MAP1A: variants seen among roughly 807,000 people sequenced by gnomAD.
MAP1A encodes microtubule associated protein 1A.
Under a neutral mutation model 185.9 loss-of-function variants are expected in MAP1A, and 42 were observed. That is an observed-to-expected ratio of 0.23 (90% CI 0.18 to 0.29). The LOEUF is 0.29. Among genes scored for constraint, MAP1A ranks in the 10% least tolerant of loss-of-function variants. The pLI is 1.00. For missense variants in MAP1A, 2,995 were observed against 3,450.4 expected (o/e 0.87, Z 3.31); for synonymous variants, 1,229 against 1,335.9 (o/e 0.92, Z 1.74).
At position 43,522,379 on chromosome 15, in the gene MAP1A, G is replaced by A. The variant is rs1308306671; in HGVS notation, c.906G>A (p.Gly302=). The A allele has an allele frequency of 3.7e-6, 6 of 1,614,156 alleles. No individual in the cohort carries two copies. The highest frequency in any genetic ancestry group is 1.7e-5 in the Admixed American group (1 of 60,012). The change falls in exon 4 of 6, where the codon GGG becomes GGA. Residue 302 remains glycine (G), a synonymous_variant. Coordinates refer to ENST00000300231, the MANE Select transcript of MAP1A (RefSeq NM_002373.6). This position sits in a 1 kb window ranked among gnomAD's most constrained non-coding sequence, Gnocchi z 5.9. ...PVATQKDLAS[G]AVPTNLKPSK... ...CCACGCAGAAGGACCTGGCTTCTGG[G>A]GCTGTGCCTACCAACCTCAAGCCCA...
At chr15:43,520,337 C>T (rs1170341428) in intron 1 of MAP1A, among the ~76,000 whole-genome samples, 1 of 152,148 alleles carries the variant, frequency 6.6e-6, no homozygotes, top group Non-Finnish European at 1.5e-5. Context: ...ACAAAAGCTT[C>T]TTGTCAATAG....
chr15:43,511,217 C>T, exon 1 of MAP1A: 1 of 1,550,164 alleles, frequency 6.5e-7, no homozygotes, highest in Non-Finnish European at 8.7e-7. Flanking sequence ...GCGGGCCCAC[C>T]TTGAACAAGG....
upstream of MAP1A, among the ~76,000 whole-genome samples, chr15:43,516,006 C>A (rs2079295834): frequency 6.6e-6 from 1 of 152,134 alleles, no homozygotes; most frequent in Non-Finnish European, 1.5e-5. Context: ...CTGTATTGGT[C>A]TGGGAAATGT....
Position 43,521,574 on chromosome 15 carries a change from A to G in MAP1A, c.101A>G (p.Lys34Arg). ...LEPPTSGGFL[K>R]LSKPCCYIFP... ...CCCCCCACCTCAGGGGGCTTCCTCA[A>G]GCTCTCCAAGCCTTGTTGCTACATC... The change falls in exon 4 of 6, where the codon AAG (lysine) becomes AGG (arginine). Residue 34 changes from lysine to arginine, a missense_variant. Physicochemically the swap from Lys to Arg is conservative, Grantham distance 26 (BLOSUM62 2). This residue lies in a region of MAP1A where 264 missense variants were observed against 435.3 expected (regional missense o/e 0.61). Transcript: ENST00000300231. This position sits in a 1 kb window ranked among gnomAD's most constrained non-coding sequence, Gnocchi z 4.6. The G allele has an allele frequency of 6.2e-7, 1 of 1,614,012 alleles. No homozygotes were observed. The highest frequency in any genetic ancestry group is 8.5e-7 in the Non-Finnish European group (1 of 1,179,972).
rs1470444535 is a variant in MAP1A at position 43,521,931 on chromosome 15, A to G, written c.458A>G (p.Lys153Arg). The change falls in exon 4 of 6, where the codon AAG becomes AGG. Residue 153 changes from lysine to arginine, a missense_variant. Lys to Arg is a conservative substitution (Grantham distance 26). Coordinates refer to ENST00000300231, the MANE Select transcript of MAP1A (RefSeq NM_002373.6). The surrounding 1 kb of genome is among the most constrained non-coding windows in gnomAD (Gnocchi z 4.6). The stretch of plus-strand genomic sequence containing the variant: ...CTTCCTGATGCCTCCCGGAAAGCCA[A>G]GCGTAGCATTGAGGAGGCCTGCCTC... ...LRLPDASRKA[K>R]RSIEEACLTL... The G allele has an allele frequency of 6.8e-6, 11 of 1,613,688 alleles. No homozygotes were observed. The highest frequency in any genetic ancestry group is 1.3e-5 in the African/African-American group (1 of 74,908).
chr15:43,510,995 A>G, exon 1 of MAP1A: 1 of 1,542,302 alleles, frequency 6.5e-7, no homozygotes, highest in Non-Finnish European at 8.7e-7. Context: ...TTCCATGGAG[A>G]CCGAGGCCGA....
At position 43,528,042 on chromosome 15, in the gene MAP1A, C is replaced by G. The variant is rs893977554; in HGVS notation, c.6569C>G (p.Pro2190Arg). The G allele has an allele frequency of 1.2e-6, 2 of 1,614,044 alleles. No individual in the cohort carries two copies. The highest frequency in any genetic ancestry group is 1.7e-6 in the Non-Finnish European group (2 of 1,180,024). The change falls in exon 4 of 6, where the codon CCC becomes CGC. Residue 2190 changes from proline to arginine, a missense_variant. By Grantham distance (103) the Pro-to-Arg change is moderately radical. Transcript: ENST00000300231. ...TCTCCAGCTGAACCCCGCTCGGCAC[C>G]CTGTGGCTCCCTTGCCTTCTCTGGG... The part of the protein sequence containing the change: ...LPSPAEPRSA[P>R]CGSLAFSGDR...
rs1029014887 is a variant in MAP1A, at chr15:43,526,578, G to A, written c.5105G>A (p.Cys1702Tyr). 6.2e-7 allele frequency: 1 copy of A among 1,614,080 alleles called. No homozygotes were observed. Among genetic ancestry groups the A allele is most frequent in the Non-Finnish European group, 8.5e-7 (1 of 1,180,042 alleles). Residue 1702 changes from cysteine (C) to tyrosine (Y), a missense_variant, in exon 4 of 6, where the codon TGT becomes TAT. Cys to Tyr is a radical substitution (Grantham distance 194). Transcript: ENST00000300231. This position sits in a 1 kb window ranked among gnomAD's most constrained non-coding sequence, Gnocchi z 4.7. ...EQDTYWRELS[C>Y]ERKVWFPHEL... ...GACACATACTGGAGGGAGCTAAGCT[G>A]TGAGCGGAAGGTCTGGTTCCCTCAC...
Position 43,529,463 on chromosome 15 carries a change from A to G in MAP1A, c.7990A>G (p.Ser2664Gly), listed in dbSNP as rs745858314. The stretch of plus-strand genomic sequence containing the variant: ...CCCAGCAGAGGAAAAGGATGGACAC[A>G]GCCCCATGTCCAAAGGCCTAGTCAA... ...VTPAEEKDGH[S>G]PMSKGLVNGL... Residue 2664 changes from serine to glycine, a missense_variant, in exon 4 of 6, where the codon AGC becomes GGC. This residue lies in a region of MAP1A where 2,728 missense variants were observed against 2,986.0 expected (regional missense o/e 0.91). Coordinates refer to ENST00000300231, the MANE Select transcript of MAP1A (RefSeq NM_002373.6). This position sits in a 1 kb window ranked among gnomAD's most constrained non-coding sequence, Gnocchi z 4.3. 26 of 1,612,976 alleles carry G rather than the reference A, an allele frequency of 1.6e-5. No individual in the cohort carries two copies. Among genetic ancestry groups the G allele is most frequent in the Admixed American group, 1.5e-4 (9 of 59,928 alleles).
At position 43,527,997 on chromosome 15, in the gene MAP1A, C is replaced by T; in HGVS notation, c.6524C>T (p.Pro2175Leu). 1 of 1,614,038 alleles carries T rather than the reference C, an allele frequency of 6.2e-7. No individual in the cohort carries two copies. Among genetic ancestry groups the T allele is most frequent in the South Asian group, 1.1e-5 (1 of 91,088 alleles). Residue 2175 changes from proline to leucine, a missense_variant, in exon 4 of 6, where the codon CCA becomes CTA. By Grantham distance (98) the Pro-to-Leu change is moderately conservative. This residue lies in a region of MAP1A where 2,728 missense variants were observed against 2,986.0 expected (regional missense o/e 0.91). Transcript: ENST00000300231. ...ASAFGFSSLQPAPPQLPSPAE... is the reference protein window; with the variant it reads ...ASAFGFSSLQLAPPQLPSPAE... ...GCCTTTGGCTTCTCCTCATTGCAGC[C>T]AGCTCCCCCACAGCTGCCCTCTCCA...
intron 1 of MAP1A, among the ~76,000 whole-genome samples, chr15:43,518,515 C>T (rs1190737074): frequency 1.3e-5 from 2 of 152,076 alleles, no homozygotes; most frequent in Non-Finnish European, 1.5e-5. Flanking sequence ...CCATCCCCAC[C>T]CCCCATGCAG....
In MAP1A at chr15:43,511,082, CAG is replaced by C. The variant is rs1566974781; in HGVS notation, c.96_97del (p.Asn33ProfsTer45). Reference sequence around the variant, plus strand: ...CCGAAGTCCCGGCGCACCGCTGGCTCAGAACCCCGCGGAGCTGCTGTGCGAGG... The same window carrying C: ...CCGAAGTCCCGGCGCACCGCTGGCTCAACCCCGCGGAGCTGCTGTGCGAGG... On this transcript the variant is annotated frameshift_variant, in exon 1 of 7. Coordinates refer to the MAP1A transcript ENST00000382031. LOFTEE classifies it high-confidence loss of function. The C allele has an allele frequency of 1.2e-5, 19 of 1,550,082 alleles. No individual in the cohort carries two copies. In the South Asian group the frequency reaches 2.3e-4, roughly 18 times the overall value.
upstream of MAP1A, among the ~76,000 whole-genome samples, chr15:43,514,641 G>C (rs186538345): frequency 3.9e-5 from 6 of 152,250 alleles, no homozygotes; most frequent in African/African-American, 9.6e-5. Flanking sequence ...CCCACACACA[G>C]AAAAGAAGGG....
Position 43,529,480 on chromosome 15 carries a change from C to T in MAP1A, c.8007C>T (p.Gly2669=), listed in dbSNP as rs1060956. 6.2e-7 allele frequency: 1 copy of T among 1,610,352 alleles called. No homozygotes were observed. Residue 2669 remains glycine (G), a synonymous_variant, in exon 4 of 6, where the codon GGC becomes GGT. Transcript: ENST00000300231. The surrounding 1 kb of genome is among the most constrained non-coding windows in gnomAD (Gnocchi z 4.3). ...ATGGACACAGCCCCATGTCCAAAGG[C>T]CTAGTCAATGGACTCAAGGCAGGAC... ...EKDGHSPMSK[G]LVNGLKAGPM...
At position 43,528,725 on chromosome 15, in the gene MAP1A, G is replaced by T. The variant is rs764571578; in HGVS notation, c.7252G>T (p.Gly2418Cys). Residue 2418 changes from glycine (G) to cysteine (C), a missense_variant, in exon 4 of 6, where the codon GGC becomes TGC. Gly to Cys is a radical substitution (Grantham distance 159). Transcript: ENST00000300231. ...TGAGCAGCCAGTGTGTCCTGCAGGG[G>T]GCTCCGGGGGCCCACCCAGCAGTGC... ...SPEQPVCPAG[G>C]SGGPPSSASP... The T allele has an allele frequency of 2.5e-6, 4 of 1,613,064 alleles. No homozygotes were observed. The African/African-American group carries it at 5.3e-5, about 22-fold the overall frequency.
chr15:43,525,707 G>T lies in MAP1A; in HGVS notation c.4234G>T (p.Gly1412Cys). ...GCAGGATAAGGCTTTAGAACAAAAG[G>T]GCAGAGACTTAGAGCAAAAAGACAC... is the stretch of plus-strand genomic sequence containing the variant. Reference protein sequence around the residue: ...KQQDKALEQKGRDLEQKDTAL... With the variant: ...KQQDKALEQKCRDLEQKDTAL... The change falls in exon 4 of 6, where the codon GGC becomes TGC. Residue 1412 changes from glycine to cysteine, a missense_variant. By Grantham distance (159) the Gly-to-Cys change is radical (BLOSUM62 -3). This residue lies in a region of MAP1A where 2,728 missense variants were observed against 2,986.0 expected (regional missense o/e 0.91). Coordinates refer to ENST00000300231, the MANE Select transcript of MAP1A (RefSeq NM_002373.6). 1 of 1,614,188 alleles carries T rather than the reference G, an allele frequency of 6.2e-7. No homozygotes were observed. The highest frequency in any genetic ancestry group is 8.5e-7 in the Non-Finnish European group (1 of 1,180,042).
rs763275297 is a variant in MAP1A, at chr15:43,523,785, G to A, written c.2312G>A (p.Ser771Asn). ...CCAGCTCCACCCAGATTTCATACAAGTACATATGACCTGCCCGGGCCTGAA... is the reference window on the plus strand; with the variant it reads ...CCAGCTCCACCCAGATTTCATACAAATACATATGACCTGCCCGGGCCTGAA... ...ERPAPPRFHT[S>N]TYDLPGPEGA... Residue 771 changes from serine to asparagine, a missense_variant, in exon 4 of 6, where the codon AGT becomes AAT. By Grantham distance (46) the Ser-to-Asn change is conservative (BLOSUM62 1). Coordinates refer to ENST00000300231, the MANE Select transcript of MAP1A (RefSeq NM_002373.6). 1.2e-5 allele frequency: 19 copies of A among 1,613,936 alleles called. No homozygotes were observed. The highest frequency in any genetic ancestry group is 3.3e-4 in the Middle Eastern group (2 of 6,084).
rs2079320140 is a variant in MAP1A, at chr15:43,521,774, C to A, written c.301C>A (p.Leu101Ile). ...AGACAACCTGCCAGGCATCAATGGA[C>A]TACTGCAGCGCAAAGTGGCAGAGCT... Reference protein sequence around the residue: ...GADNLPGINGLLQRKVAELEE... With the variant: ...GADNLPGINGILQRKVAELEE... Residue 101 changes from leucine (L) to isoleucine (I), a missense_variant, in exon 4 of 6, where the codon CTA (leucine) becomes ATA (isoleucine). Leu to Ile is a conservative substitution (Grantham distance 5). Around this residue, in one of 3 missense-constraint regions of MAP1A, gnomAD observed 264 missense variants for 435.3 expected, o/e 0.61. Coordinates refer to ENST00000300231, the MANE Select transcript of MAP1A (RefSeq NM_002373.6). The surrounding 1 kb of genome is among the most constrained non-coding windows in gnomAD (Gnocchi z 4.6). 1 of 1,614,106 alleles carries A rather than the reference C, an allele frequency of 6.2e-7. No individual in the cohort carries two copies. The highest frequency in any genetic ancestry group is 1.3e-5 in the African/African-American group (1 of 74,944).
At chr15:43,515,587 T>C (rs2140201402), upstream of MAP1A, among the ~76,000 whole-genome samples, 1 of 152,356 alleles carries the variant, frequency 6.6e-6, no homozygotes, top group Non-Finnish European at 1.5e-5. Flanking sequence ...CATTTGTACA[T>C]TGCAGATTTG....
Sources: allele counts gnomAD v4.1 joint callset (sites outside exome capture counted in the v4.1 genomes callset), GRCh38; gene constraint gnomAD v4.1.1; regional missense constraint gnomAD v4.1.1; non-coding constraint Gnocchi (gnomAD v3.1); transcripts MANE v1.5; gene names NCBI Gene and HGNC (gene_info 2026-07-23, HGNC 2026-07-21).